Variants in TTLL13 observed in about 807,000 individuals in gnomAD.
The protein encoded by TTLL13 is tubulin polyglutamylase TTLL13.
chr15:90,259,235 A>G, the TTLL13 span: 2 of 379,800 alleles, frequency 5.3e-6, no homozygotes, highest in Non-Finnish European at 9.4e-6. Flanking sequence ...TAATTAAAAA[A>G]TAAAAAATTA....
the TTLL13 span, chr15:90,261,947 T>C: frequency 7.3e-7 from 1 of 1,364,332 alleles, no homozygotes; most frequent in South Asian, 1.5e-5. Context: ...TCAGTCTTCC[T>C]TTCCCTACTG....
At chr15:90,258,407 G>T in the TTLL13 span, 1 of 759,562 alleles carries the variant, frequency 1.3e-6, no homozygotes, top group South Asian at 1.7e-5. Context: ...GGAATGAGCA[G>T]AAGGCATAAG....
the TTLL13 span, chr15:90,263,081 T>C: frequency 2.6e-6 from 4 of 1,535,984 alleles, no homozygotes; most frequent in Non-Finnish European, 3.5e-6. Flanking sequence ...CTGGGTATTG[T>C]AGAGCAGCTC....
the TTLL13 span, chr15:90,258,102 G>C: frequency 1.2e-6 from 2 of 1,614,192 alleles, no homozygotes; most frequent in Non-Finnish European, 1.7e-6. Context: ...GCTGTGGGGG[G>C]ACATCGAGGA....
At chr15:90,262,541 G>A in the TTLL13 span, 1 of 1,530,618 alleles carries the variant, frequency 6.5e-7, no homozygotes, top group East Asian at 2.5e-5. Context: ...GGAGACCTCG[G>A]GCACTAAGAG....
the TTLL13 span, among the ~76,000 whole-genome samples, chr15:90,256,880 G>T: frequency 6.6e-6 from 1 of 151,936 alleles, no homozygotes; most frequent in Non-Finnish European, 1.5e-5. Flanking sequence ...TAGAGACGGG[G>T]TTTCACCATC....
chr15:90,252,043 C>CTTT, the TTLL13 span, among the ~76,000 whole-genome samples: 1 of 133,474 alleles, frequency 7.5e-6, no homozygotes, highest in African/African-American at 2.7e-5. Flanking sequence ...TCACCTAATT[C>CTTT]TTTTTTTTTT....
chr15:90,251,133 A>G, the TTLL13 span, among the ~76,000 whole-genome samples: 1 of 36,670 alleles, frequency 2.7e-5, no homozygotes, highest in Non-Finnish European at 4.9e-5. Context: ...TTTTTTTTTG[A>G]GACAGAGTCT....
the TTLL13 span, chr15:90,253,415 T>A: frequency 6.9e-7 from 1 of 1,443,280 alleles, no homozygotes; most frequent in South Asian, 1.3e-5. Context: ...GGCCCCAGAA[T>A]GACTATTCCC....
chr15:90,249,920 G>A, the TTLL13 span: 2 of 152,172 alleles, frequency 1.3e-5, no homozygotes, highest in East Asian at 3.9e-4. Context: ...CCAGCGTAGG[G>A]GGCTTTTGGT....
the TTLL13 span, chr15:90,255,683 G>A: frequency 3.1e-5 from 50 of 1,603,548 alleles, no homozygotes; most frequent in Non-Finnish European, 3.7e-5. Flanking sequence ...CTCCTCCACT[G>A]CTTCCTGGGA....
the TTLL13 span, chr15:90,256,293 C>A: frequency 6.2e-7 from 1 of 1,614,158 alleles, no homozygotes; most frequent in Non-Finnish European, 8.5e-7. Context: ...CAATACATCT[C>A]CAAGGTGAAG....
chr15:90,251,459 A>C, the TTLL13 span: 1 of 1,300,220 alleles, frequency 7.7e-7, no homozygotes, highest in Non-Finnish European at 1.1e-6. Context: ...TTCTAGAGAA[A>C]AGGAATTGTG....
the TTLL13 span, chr15:90,262,241 G>A: frequency 2.1e-6 from 3 of 1,454,362 alleles, no homozygotes; most frequent in Non-Finnish European, 1.8e-6. Context: ...GACAAGTCCT[G>A]AAGCTGCATT....
At chr15:90,253,212 G>A in the TTLL13 span, 14 of 1,561,656 alleles carry the variant, frequency 9.0e-6, no homozygotes, top group Admixed American at 1.7e-4. Flanking sequence ...TGTTGCTGGT[G>A]TCCATGCTGG....
the TTLL13 span, chr15:90,262,688 C>T: frequency 4.1e-6 from 6 of 1,459,112 alleles, no homozygotes; most frequent in African/African-American, 8.6e-5. Flanking sequence ...GGTTTTGTAG[C>T]TCTTATCTTT....
At chr15:90,250,570 G>A in the TTLL13 span, 2 of 1,551,784 alleles carry the variant, frequency 1.3e-6, no homozygotes, top group Non-Finnish European at 1.7e-6. Context: ...AGGGCCTGAG[G>A]GAGGTCTGAG....
chr15:90,252,268 C>G, the TTLL13 span, among the ~76,000 whole-genome samples: 2 of 152,088 alleles, frequency 1.3e-5, no homozygotes, highest in Admixed American at 6.5e-5. Context: ...AACTCCTGAC[C>G]TCAGGTGATC....
chr15:90,264,589 T>G, the TTLL13 span: 1 of 1,025,178 alleles, frequency 9.8e-7, no homozygotes, highest in Non-Finnish European at 1.4e-6. Context: ...TACAATACAG[T>G]GTGGGAAAGA....
Sources: allele counts gnomAD v4.1 joint callset (sites outside exome capture counted in the v4.1 genomes callset), GRCh38; gene constraint gnomAD v4.1.1; transcripts MANE v1.5; gene names NCBI Gene and HGNC (gene_info 2026-07-23, HGNC 2026-07-21).